The following POLQ variants were observed in gnomAD, a reference collection of about 807,000 sequenced individuals.
POLQ encodes the protein DNA polymerase theta, also known as epididymis secretory sperm binding protein.
In POLQ, 233 loss-of-function variants were observed where a neutral mutation model predicts 259.2. That is an observed-to-expected ratio of 0.90 (90% confidence interval 0.81 to 1.00). The LOEUF (loss-of-function observed/expected upper bound fraction) is 1.00. Among genes scored for constraint, POLQ ranks in the 50% least tolerant of loss-of-function variants. POLQ has a pLI of 0.00. For missense variants in POLQ, 2,871 were observed against 3,051.6 expected (o/e 0.94, Z 1.39); for synonymous variants, 1,025 against 1,048.8 (o/e 0.98, Z 0.44).
At chr3:121,527,273 G>A (rs1353684977) in intron 7 of POLQ, among the ~76,000 whole-genome samples, 1 of 151,942 alleles carries the variant, frequency 6.6e-6, no homozygotes, top group African/African-American at 2.4e-5. Context: ...TGTTGTCCAG[G>A]CTGGTCTCAA....
Position 121,510,077 on chromosome 3 carries a change from T to A in POLQ, c.1778A>T (p.Glu593Val). 1 of 1,614,074 alleles carries A rather than the reference T, an allele frequency of 6.2e-7. No individual in the cohort carries two copies. Among genetic ancestry groups the A allele is most frequent in the Non-Finnish European group, 8.5e-7 (1 of 1,179,916 alleles). The change falls in exon 11 of 30, where the codon GAA becomes GTA. Residue 593 changes from glutamate to valine, a missense_variant. By Grantham distance (121) the Glu-to-Val change is moderately radical. Coordinates refer to ENST00000264233, the MANE Select transcript of POLQ (RefSeq NM_199420.4). ...ACTGGCTTCTGTACTCTGGATGAAT[T>A]CATTTTCTAGTAGCCACATCACACA... The part of the protein sequence containing the change: ...EACVMWLLEN[E>V]FIQSTEASDG...
chr3:121,535,089 T>C (rs575929110), intron 5 of POLQ, among the ~76,000 whole-genome samples: 9 of 152,366 alleles, frequency 5.9e-5, no homozygotes, highest in African/African-American at 2.2e-4. Flanking sequence ...AGATTTTCTA[T>C]ATCCCTAGTG....
Position 121,432,214 on chromosome 3 carries a change from T to C in POLQ, c.*90A>G, listed in dbSNP as rs2047499238. 8.2e-7 allele frequency: 1 copy of C among 1,215,534 alleles called. No homozygotes were observed. Among genetic ancestry groups the C allele is most frequent in the African/African-American group, 1.6e-5 (1 of 63,492 alleles). The allele number at this position is 1,215,534 out of a possible 1,614,324, so 75.3% of individuals were successfully genotyped here. On this transcript the variant is annotated 3_prime_UTR_variant, in exon 30 of 30. Coordinates refer to ENST00000264233, the MANE Select transcript of POLQ (RefSeq NM_199420.4). ...GTCTATCAAGACTTGAAAGTTTGTT[T>C]TGCTGAGGTAGGTGAAAGGGTAATC...
In POLQ at chr3:121,496,181, C is replaced by T. The variant is rs897199142; in HGVS notation, c.2278+627G>A. Among the ~76,000 whole-genome samples, 576 of 142,528 alleles carry T rather than the reference C, an allele frequency of 4.0e-3. 4 individuals are homozygous for T. Among genetic ancestry groups the T allele is most frequent in the African/African-American group, 0.014 (545 of 38,342 alleles). 93.5% of individuals were successfully genotyped at this position (142,528 alleles called of 152,430 possible). A position where few individuals can be genotyped will look rare whatever the true frequency, so the allele number is the denominator to read the frequency against. ...CTCAACAATATGGATTAATCAGTAC[C>T]TTTTTTTTTTTTTGAGACAGAGTCT... is the stretch of plus-strand genomic sequence containing the variant. On this transcript the variant is annotated intron_variant, in intron 14 of 29. Transcript: ENST00000264233.
chr3:121,472,700 G>A (rs1473781219), intron 21 of POLQ, among the ~76,000 whole-genome samples: 4 of 152,170 alleles, frequency 2.6e-5, no homozygotes, highest in African/African-American at 9.7e-5. Flanking sequence ...GCTATAGCCT[G>A]GAGCTAAGGA....
At position 121,541,040 on chromosome 3, in the gene POLQ, C is replaced by T. The variant is rs544159898; in HGVS notation, c.474+309G>A. 2.2e-3 allele frequency among the ~76,000 whole-genome samples: 332 copies of T among 152,116 alleles called. 2 individuals are homozygous for T. The highest frequency in any genetic ancestry group is 3.4e-3 in the Non-Finnish European group (229 of 67,994). On this transcript the variant is annotated intron_variant, in intron 3 of 29. Coordinates refer to ENST00000264233, the MANE Select transcript of POLQ (RefSeq NM_199420.4). ...GAATTACAGGTGTGCGCCACAACAC[C>T]CAGCTAATTTTTGTATTTTTAGTAG...
chr3:121,502,451 G>T (rs759109534), intron 12 of POLQ, among the ~76,000 whole-genome samples: 1 of 152,078 alleles, frequency 6.6e-6, no homozygotes, highest in Admixed American at 6.6e-5. Context: ...TGGTCCACCC[G>T]CCTCAGCCTA....
intron 28 of POLQ, among the ~76,000 whole-genome samples, chr3:121,434,129 C>G (rs114313976): frequency 5.9e-5 from 9 of 152,170 alleles, no homozygotes; most frequent in African/African-American, 9.7e-5. Flanking sequence ...GATGACCATG[C>G]CTTTGCCCTC....
At chr3:121,494,364 C>A in intron 14 of POLQ, 8 of 1,594,136 alleles carry the variant, frequency 5.0e-6, no homozygotes, top group Non-Finnish European at 6.8e-6. Flanking sequence ...TTCACCCAGG[C>A]CCTGGACCGC....
At chr3:121,514,022 C>CAA (rs1185320178) in intron 9 of POLQ, among the ~76,000 whole-genome samples, 148 of 27,120 alleles carry the variant, frequency 5.5e-3, no homozygotes, top group Non-Finnish European at 7.4e-3. Context: ...AACTCCATCT[C>CAA]AAAAAAAAAA....
chr3:121,491,789 G>A (rs2048070744), intron 15 of POLQ, among the ~76,000 whole-genome samples: 1 of 152,076 alleles, frequency 6.6e-6, no homozygotes, highest in African/African-American at 2.4e-5. Context: ...TCTAAACCAG[G>A]GGTCCTCAAC....
chr3:121,446,768 T>C (rs1576399231), intron 26 of POLQ, among the ~76,000 whole-genome samples: 2 of 152,350 alleles, frequency 1.3e-5, no homozygotes, highest in South Asian at 2.1e-4. Context: ...ATAGCTACTC[T>C]TGATCTTTTT....
intron 12 of POLQ, 62 bp downstream of exon 12, chr3:121,509,499 G>C (rs530594889): frequency 2.8e-6 from 4 of 1,415,994 alleles, no homozygotes; most frequent in African/African-American, 2.8e-5. Flanking sequence ...TTGATGTTCA[G>C]GATTATATAT....
At chr3:121,517,122 C>T (rs2048303380) in intron 9 of POLQ, among the ~76,000 whole-genome samples, 1 of 152,218 alleles carries the variant, frequency 6.6e-6, no homozygotes, top group South Asian at 2.1e-4. Flanking sequence ...AAAAGACCCT[C>T]TGTCCCGAGA....
chr3:121,493,286 G>C (rs1402647295), intron 15 of POLQ, among the ~76,000 whole-genome samples, 192 bp downstream of exon 15: 2 of 151,500 alleles, frequency 1.3e-5, no homozygotes, highest in Non-Finnish European at 2.9e-5. Flanking sequence ...TGGGTAACAA[G>C]AGTGAGACTT....
In POLQ at chr3:121,488,934, G is replaced by C. The variant is rs367992047; in HGVS notation, c.3997C>G (p.Gln1333Glu). 1.4e-5 allele frequency: 22 copies of C among 1,614,106 alleles called. No individual in the cohort carries two copies. The African/African-American group carries it at 2.9e-4, about 22-fold the overall frequency. The change falls in exon 16 of 30, where the codon CAA becomes GAA. Residue 1333 changes from glutamine to glutamate, a missense_variant. This residue lies in a region of POLQ where 2,080 missense variants were observed against 2,126.0 expected (regional missense o/e 0.98). Coordinates refer to ENST00000264233, the MANE Select transcript of POLQ (RefSeq NM_199420.4). ...YLDTQSEKII[Q>E]QMATENAKLG... is the part of the protein sequence containing the mutation. Reference sequence around the variant, plus strand: ...TTGGCATTTTCAGTTGCCATCTGTTGTATTATTTTCTCTGACTGAGTATCC... The same window carrying C: ...TTGGCATTTTCAGTTGCCATCTGTTCTATTATTTTCTCTGACTGAGTATCC...
chr3:121,505,930 G>A (rs545124199), intron 12 of POLQ, among the ~76,000 whole-genome samples: 8 of 150,732 alleles, frequency 5.3e-5, no homozygotes, highest in African/African-American at 1.7e-4. Flanking sequence ...GCTGAGGCAG[G>A]AGAATCGCTT....
intron 12 of POLQ, among the ~76,000 whole-genome samples, chr3:121,501,583 A>G (rs1421551835): frequency 1.4e-5 from 2 of 143,778 alleles, no homozygotes; most frequent in Non-Finnish European, 3.0e-5. Flanking sequence ...AATGGCGTGA[A>G]CCCGGGAGGC....
At chr3:121,459,483 G>A (rs1176712996) in intron 25 of POLQ, among the ~76,000 whole-genome samples, 1 of 146,416 alleles carries the variant, frequency 6.8e-6, no homozygotes, top group Non-Finnish European at 1.5e-5. Context: ...CTGGGTTCAC[G>A]CCATTCTCCT....
Sources: gnomAD v4.1 joint callset for allele counts (sites outside exome capture counted in the v4.1 genomes callset) on GRCh38, gnomAD v4.1.1 for gene constraint, gnomAD v4.1.1 regional missense constraint, MANE v1.5 for transcripts, NCBI Gene and HGNC (gene_info 2026-07-23, HGNC 2026-07-21) for gene names.